ROBO2: variants seen among roughly 807,000 people sequenced by gnomAD.
ROBO2 encodes the protein roundabout guidance receptor 2.
ROBO2 carries 53 observed loss-of-function variants against 160.8 expected under a neutral mutation model. The ratio of observed to expected loss-of-function variants is 0.33; its 90% CI spans 0.26 to 0.41. The LOEUF is 0.41. Among genes scored for constraint, ROBO2 ranks in the 10% least tolerant of loss-of-function variants. The pLI, the probability that ROBO2 is intolerant of heterozygous loss-of-function variation, is 1.00. For missense variants in ROBO2, 1,577 were observed against 1,722.4 expected (o/e 0.92, Z 1.49); for synonymous variants, 664 against 611.7 (o/e 1.09, Z -1.26).
chr3:77,057,603 G>A (rs1311532896), intron 1 of ROBO2, among the ~76,000 whole-genome samples: 4 of 109,832 alleles, frequency 3.6e-5, no homozygotes, highest in Admixed American at 1.5e-4. Context: ...ATGTAGTCTC[G>A]CTCTGTTGCC....
intron 2 of ROBO2, among the ~76,000 whole-genome samples, chr3:76,932,792 G>A (rs75676209): frequency 2.0e-5 from 3 of 152,160 alleles, no homozygotes; most frequent in East Asian, 1.9e-4. Context: ...AAACTGAGAC[G>A]CAAGCACAGT....
intron 2 of ROBO2, among the ~76,000 whole-genome samples, chr3:76,952,653 T>C (rs1021357775): frequency 6.6e-6 from 1 of 152,108 alleles, no homozygotes; most frequent in African/African-American, 2.4e-5. Flanking sequence ...ATATGGCACA[T>C]ATTTTCATCT....
chr3:77,046,288 T>C (rs759480592), intron 1 of ROBO2, among the ~76,000 whole-genome samples: 11 of 152,244 alleles, frequency 7.2e-5, no homozygotes, highest in South Asian at 2.1e-4. Context: ...TTGGGTATGA[T>C]GTTTTGAAGT....
chr3:76,033,729 G>C (rs2067006354), intron 2 of ROBO2, among the ~76,000 whole-genome samples: 1 of 152,134 alleles, frequency 6.6e-6, no homozygotes, highest in Non-Finnish European at 1.5e-5. Flanking sequence ...GTTTTGGCTG[G>C]GACAGCTCAC....
chr3:77,165,614 G>A (rs1284123373), intron 2 of ROBO2, among the ~76,000 whole-genome samples: 7 of 151,752 alleles, frequency 4.6e-5, no homozygotes, highest in Non-Finnish European at 7.4e-5. Context: ...TTCATTAGTT[G>A]TCCACATTCC....
intron 2 of ROBO2, among the ~76,000 whole-genome samples, chr3:76,351,240 T>G (rs2108286841): frequency 6.6e-6 from 1 of 151,994 alleles, no homozygotes; most frequent in East Asian, 1.9e-4. Flanking sequence ...CTAAGTCATA[T>G]GAAAAGAAAA....
intron 6 of ROBO2, 87 bp from the exon 7 acceptor site, chr3:77,527,316 C>A: frequency 1.0e-6 from 1 of 988,598 alleles, no homozygotes; most frequent in South Asian, 1.4e-5. Flanking sequence ...TTAAATGTAA[C>A]ATTACACATC....
intron 2 of ROBO2, among the ~76,000 whole-genome samples, chr3:77,198,675 C>T (rs1044156416): frequency 2.0e-5 from 3 of 151,988 alleles, no homozygotes; most frequent in Non-Finnish European, 4.4e-5. Context: ...CCCAGGTGGG[C>T]GGATCATCTG....
At chr3:76,193,871 G>T (rs1290743047) in intron 2 of ROBO2, among the ~76,000 whole-genome samples, 1 of 152,030 alleles carries the variant, frequency 6.6e-6, no homozygotes, top group Non-Finnish European at 1.5e-5. Context: ...GAAGAACTAT[G>T]TGTTCTATTT....
At chr3:76,238,568 G>T (rs1248340019) in intron 2 of ROBO2, among the ~76,000 whole-genome samples, 1 of 151,106 alleles carries the variant, frequency 6.6e-6, no homozygotes, top group Non-Finnish European at 1.5e-5. Context: ...AGACATGAGG[G>T]GATTATGTGA....
At chr3:76,801,144 C>A (rs2064166145) in intron 2 of ROBO2, among the ~76,000 whole-genome samples, 1 of 152,174 alleles carries the variant, frequency 6.6e-6, no homozygotes, top group East Asian at 1.9e-4. Context: ...TGAAATAAAC[C>A]AGGCACAGAA....
chr3:76,292,738 T>C (rs994179648), intron 2 of ROBO2, among the ~76,000 whole-genome samples: 3 of 152,220 alleles, frequency 2.0e-5, no homozygotes, highest in Admixed American at 6.5e-5. Flanking sequence ...TAATTTTTAA[T>C]CATTTTAATT....
intron 2 of ROBO2, among the ~76,000 whole-genome samples, chr3:76,494,256 C>G (rs556765802): frequency 6.6e-6 from 1 of 152,298 alleles, no homozygotes; most frequent in African/African-American, 2.4e-5. Flanking sequence ...AATTTTACCT[C>G]TACCCTCTTA....
At chr3:77,390,447 T>A (rs1287820703) in intron 2 of ROBO2, among the ~76,000 whole-genome samples, 1 of 152,036 alleles carries the variant, frequency 6.6e-6, no homozygotes, top group Non-Finnish European at 1.5e-5. Context: ...CCCATGTTGC[T>A]CTTGTGATAG....
intron 1 of ROBO2, among the ~76,000 whole-genome samples, chr3:75,911,092 A>G (rs1001329087): frequency 6.6e-6 from 1 of 152,086 alleles, no homozygotes; most frequent in African/African-American, 2.4e-5. Flanking sequence ...TGGAGCTAAC[A>G]GCTTAGTGTG....
At chr3:77,577,822 C>A (rs2093808894) in intron 15 of ROBO2, among the ~76,000 whole-genome samples, 1 of 152,050 alleles carries the variant, frequency 6.6e-6, no homozygotes, top group East Asian at 1.9e-4. Context: ...CCCAGTTGAA[C>A]AATTAAACCA....
intron 2 of ROBO2, among the ~76,000 whole-genome samples, chr3:76,396,842 G>A (rs1281497033): frequency 5.3e-5 from 8 of 152,084 alleles, no homozygotes; most frequent in African/African-American, 1.9e-4. Context: ...ACAAATGGAA[G>A]AACATTCCAT....
At chr3:77,176,116 G>A (rs1312666117) in intron 2 of ROBO2, among the ~76,000 whole-genome samples, 1 of 151,726 alleles carries the variant, frequency 6.6e-6, no homozygotes, top group South Asian at 2.1e-4. Context: ...AAAAGATTGA[G>A]GGAGAACTAG....
chr3:76,250,795 A>C (rs1395059300), intron 2 of ROBO2, among the ~76,000 whole-genome samples: 2 of 152,042 alleles, frequency 1.3e-5, no homozygotes, highest in Non-Finnish European at 2.9e-5. Flanking sequence ...TTCTCTAATA[A>C]ATTTTTATAT....
Sources: allele counts gnomAD v4.1 joint callset (sites outside exome capture counted in the v4.1 genomes callset), GRCh38; gene constraint gnomAD v4.1.1; transcripts MANE v1.5; gene names NCBI Gene and HGNC (gene_info 2026-07-23, HGNC 2026-07-21).